Variants in TECTA observed in about 807,000 individuals in gnomAD.
TECTA encodes tectorin alpha, also known as alpha-tectorin.
In TECTA, 128 loss-of-function variants were observed where a neutral mutation model predicts 216.8. The ratio of observed to expected loss-of-function variants is 0.59; its 90% CI spans 0.51 to 0.68. The LOEUF (loss-of-function observed/expected upper bound fraction) is 0.68. TECTA is among the 30% of genes least tolerant of loss of function. The pLI is 0.00. For synonymous variants in TECTA, 1,089 were observed against 1,117.1 expected (o/e 0.97, Z 0.50); for missense variants, 2,551 against 2,786.2 (o/e 0.92, Z 1.90).
At chr11:121,120,970 C>T (rs1263122499) in intron 7 of TECTA, among the ~76,000 whole-genome samples, 1 of 152,196 alleles carries the variant, frequency 6.6e-6, no homozygotes, top group Non-Finnish European at 1.5e-5. Flanking sequence ...CTCTAGGAGG[C>T]AGAGCTCCTG....
At chr11:121,181,487 G>A (rs936212778) in intron 20 of TECTA, among the ~76,000 whole-genome samples, 7 of 105,870 alleles carry the variant, frequency 6.6e-5, no homozygotes, top group African/African-American at 3.4e-4. Context: ...TTTATTTTTT[G>A]AAATGGAGTT....
At chr11:121,178,337 TTGTTCA>T (rs1947190421) in intron 20 of TECTA, among the ~76,000 whole-genome samples, 1 of 152,234 alleles carries the variant, frequency 6.6e-6, no homozygotes, top group Admixed American at 6.5e-5. Flanking sequence ...AACCGTTCTA[TTGTTCA>T]TTCTTATGTG....
intron 15 of TECTA, among the ~76,000 whole-genome samples, chr11:121,161,549 T>TTC (rs1946998951): frequency 1.2e-3 from 1 of 842 alleles, no homozygotes; most frequent in African/African-American, 3.1e-3. Context: ...CTCCTTCCCT[T>TTC]CCCTTCCCTT....
At position 121,125,351 on chromosome 11, in the gene TECTA, T is replaced by C. The variant is rs761190373; in HGVS notation, c.1253T>C (p.Val418Ala). The part of the protein sequence containing the change: ...SLPVTLDLGT[V>A]KIYQSGISTA... ...CCTGTCACCTTAGACTTGGGGACAGTGAAAATCTACCAGAGTGGCATATCT... is the reference window on the plus strand; with the variant it reads ...CCTGTCACCTTAGACTTGGGGACAGCGAAAATCTACCAGAGTGGCATATCT... The change falls in exon 8 of 24, where the codon GTG becomes GCG. Residue 418 changes from valine (V) to alanine (A), a missense_variant. By Grantham distance (64) the Val-to-Ala change is moderately conservative. Around this residue, in one of 3 missense-constraint regions of TECTA, gnomAD observed 2,375 missense variants for 2,563.9 expected, o/e 0.93. Transcript: ENST00000392793. 3 of 1,614,004 alleles carry C rather than the reference T, an allele frequency of 1.9e-6. No homozygotes were observed. Among genetic ancestry groups the C allele is most frequent in the Non-Finnish European group, 1.7e-6 (2 of 1,180,052 alleles).
At chr11:121,179,400 T>C (rs1158865939) in intron 20 of TECTA, among the ~76,000 whole-genome samples, 1 of 152,150 alleles carries the variant, frequency 6.6e-6, no homozygotes, top group East Asian at 1.9e-4. Flanking sequence ...GAGAAGATAG[T>C]TGATATGATT....
At position 121,118,842 on chromosome 11, in the gene TECTA, C is replaced by T. The variant is rs938668998; in HGVS notation, c.1203+124C>T. The T allele has an allele frequency of 4.7e-6, 6 of 1,264,818 alleles. No homozygotes were observed. The Admixed American group carries it at 1.2e-4, about 25-fold the overall frequency. The allele number at this position is 1,264,818 out of a possible 1,614,324, so 78.3% of individuals were successfully genotyped here. Reference sequence around the variant, plus strand: ...TGTACAGTGCCAAAGAGATGCACAGCTCTCCCCGCCTTGCAAATAGCTTGT... The same window carrying T: ...TGTACAGTGCCAAAGAGATGCACAGTTCTCCCCGCCTTGCAAATAGCTTGT... On this transcript the variant is annotated intron_variant, in intron 7 of 23. Transcript: ENST00000392793.
rs1387750471 is a variant in TECTA at position 121,108,700 on chromosome 11, TACAC to T, written c.199-503_199-500del. ...AGTATACACACACACCTCACCCCAA[TACAC>T]ACACACATACCCCCACTCCAGTACA... On this transcript the variant is annotated intron_variant, in intron 3 of 23. Coordinates refer to ENST00000392793, the MANE Select transcript of TECTA (RefSeq NM_005422.4). 4.5e-5 allele frequency among the ~76,000 whole-genome samples: 6 copies of T among 133,432 alleles called. No homozygotes were observed. The East Asian group carries it at 1.1e-3, about 25-fold the overall frequency. The allele number at this position is 133,432 out of a possible 152,430, so 87.5% of individuals were successfully genotyped here.
At chr11:121,160,104 G>T in intron 14 of TECTA, 31 bp from the exon 15 acceptor site, 1 of 1,614,092 alleles carries the variant, frequency 6.2e-7, no homozygotes, top group African/African-American at 1.3e-5. Context: ...TACTCTAAGC[G>T]TAATTATTTT....
At chr11:121,153,361 G>A (rs1232317434) in intron 13 of TECTA, among the ~76,000 whole-genome samples, 1 of 152,208 alleles carries the variant, frequency 6.6e-6, no homozygotes, top group African/African-American at 2.4e-5. Context: ...ACTCACATTT[G>A]TGTGTCTGTG....
In TECTA at chr11:121,169,375, A is replaced by G. The variant is rs149534831; in HGVS notation, c.5999+450A>G. Among the ~76,000 whole-genome samples, 1,339 of 152,318 alleles carry G rather than the reference A, an allele frequency of 8.8e-3. 7 individuals carry two copies. The highest frequency in any genetic ancestry group is 0.017 in the Middle Eastern group (5 of 294). ...CTCAACAAGTTTCTGTTTACTCACC[A>G]CTGTATGCTTACCACTTAGTATATT... On this transcript the variant is annotated intron_variant, in intron 20 of 23. Transcript: ENST00000392793.
At chr11:121,187,212 G>A (rs1024310257) in intron 20 of TECTA, among the ~76,000 whole-genome samples, 7 of 152,122 alleles carry the variant, frequency 4.6e-5, no homozygotes, top group African/African-American at 1.7e-4. Flanking sequence ...TGCATTTGGG[G>A]AACTATACAT....
intron 2 of TECTA, among the ~76,000 whole-genome samples, chr11:121,103,387 G>A (rs539043821): frequency 3.7e-4 from 56 of 152,148 alleles, no homozygotes; most frequent in Non-Finnish European, 6.2e-4. Flanking sequence ...TTTACCTTGC[G>A]AGTTTGTCTA....
chr11:121,109,081 T>TG, intron 3 of TECTA, 130 bp from the exon 4 acceptor site: 2 of 976,736 alleles, frequency 2.0e-6, no homozygotes, highest in Non-Finnish European at 1.5e-6. Context: ...ACCCGGTGTT[T>TG]GGGGGTTCTA....
intron 12 of TECTA, among the ~76,000 whole-genome samples, chr11:121,148,250 G>A (rs945003231): frequency 2.6e-5 from 4 of 152,196 alleles, no homozygotes; most frequent in African/African-American, 9.6e-5. Context: ...AGGCCAATAC[G>A]CCAGGGCCAA....
chr11:121,147,742 A>G (rs7108594), intron 12 of TECTA, among the ~76,000 whole-genome samples: 41,512 of 151,918 alleles, frequency 0.27, 7,189 homozygotes, highest in African/African-American at 0.49. Flanking sequence ...CCCTTGAGAC[A>G]TGTTGTGGAG....
chr11:121,167,980 G>A, intron 18 of TECTA, 74 bp from the exon 19 acceptor site: 3 of 1,555,488 alleles, frequency 1.9e-6, no homozygotes, highest in Middle Eastern at 3.4e-4. Flanking sequence ...CCACTTTCAG[G>A]GATATGGATT....
intron 2 of TECTA, among the ~76,000 whole-genome samples, chr11:121,104,876 G>A (rs913244841): frequency 1.2e-4 from 19 of 152,080 alleles, no homozygotes; most frequent in African/African-American, 4.1e-4. Context: ...GGGAGAAAAC[G>A]ATAGTGTCCT....
At position 121,145,568 on chromosome 11, in the gene TECTA, G is replaced by C. The variant is rs758540905; in HGVS notation, c.3557G>C (p.Arg1186Pro). Residue 1186 changes from arginine to proline, a missense_variant, in exon 12 of 24, where the codon CGG (arginine) becomes CCG (proline). Around this residue, in one of 3 missense-constraint regions of TECTA, gnomAD observed 2,375 missense variants for 2,563.9 expected, o/e 0.93. Coordinates refer to ENST00000392793, the MANE Select transcript of TECTA (RefSeq NM_005422.4). The stretch of plus-strand genomic sequence containing the variant: ...CTCCTCTTACAGGTCAACAGTGAAC[G>C]GCTCTATCTGCCCCTGAAGCTGGGG... Reference protein sequence around the residue: ...YKHTVLVNSERLYLPLKLGQG... With the variant: ...YKHTVLVNSEPLYLPLKLGQG... 13 of 1,614,180 alleles carry C rather than the reference G, an allele frequency of 8.1e-6. No individual in the cohort carries two copies. The highest frequency in any genetic ancestry group is 1.1e-5 in the Non-Finnish European group (13 of 1,180,024).
At chr11:121,152,659 A>G (rs1442118003) in intron 12 of TECTA, among the ~76,000 whole-genome samples, 1 of 152,150 alleles carries the variant, frequency 6.6e-6, no homozygotes, top group East Asian at 1.9e-4. Context: ...GAGAAGCTCC[A>G]GCCACCTCCG....
Sources: gnomAD v4.1 joint callset for allele counts (sites outside exome capture counted in the v4.1 genomes callset) on GRCh38, gnomAD v4.1.1 for gene constraint, gnomAD v4.1.1 regional missense constraint, MANE v1.5 for transcripts, NCBI Gene and HGNC (gene_info 2026-07-23, HGNC 2026-07-21) for gene names.